The following CNTNAP2 variants were observed in gnomAD, a reference collection of about 807,000 sequenced individuals.
CNTNAP2 encodes the protein contactin-associated protein-like 2.
CNTNAP2 carries 98 observed loss-of-function variants against 155.2 expected under a neutral mutation model. That is an observed-to-expected ratio of 0.63 (90% confidence interval 0.54 to 0.75). The LOEUF is 0.75. Among genes scored for constraint, CNTNAP2 ranks in the 30% least tolerant of loss-of-function variants. The pLI is 0.00. For synonymous variants in CNTNAP2, 651 were observed against 631.2 expected (o/e 1.03, Z -0.47); for missense variants, 1,727 against 1,688.1 (o/e 1.02, Z -0.40).
intron 13 of CNTNAP2, among the ~76,000 whole-genome samples, chr7:147,724,601 T>C (rs1796616595): frequency 6.6e-6 from 1 of 152,034 alleles, no homozygotes; most frequent in Non-Finnish European, 1.5e-5. Flanking sequence ...AAATACTTGT[T>C]CCCTGGAAGC....
At chr7:146,852,576 A>T (rs1243798936) in intron 3 of CNTNAP2, among the ~76,000 whole-genome samples, 1 of 152,154 alleles carries the variant, frequency 6.6e-6, no homozygotes, top group Non-Finnish European at 1.5e-5. Context: ...CACTATCAAC[A>T]TCATGTAATT....
chr7:147,026,787 C>T (rs1224780661), intron 3 of CNTNAP2, among the ~76,000 whole-genome samples: 2 of 151,406 alleles, frequency 1.3e-5, no homozygotes, highest in African/African-American at 4.9e-5. Flanking sequence ...TTTGAGGGGG[C>T]TTTTTGGTAT....
At chr7:146,914,471 AT>A (rs1310845904) in intron 3 of CNTNAP2, among the ~76,000 whole-genome samples, 1 of 151,376 alleles carries the variant, frequency 6.6e-6, no homozygotes, top group Admixed American at 6.6e-5. Context: ...TTTTTTTTTA[AT>A]TTTTTTATTA....
chr7:146,622,203 A>C (rs1799333349), intron 1 of CNTNAP2, among the ~76,000 whole-genome samples: 1 of 151,534 alleles, frequency 6.6e-6, no homozygotes, highest in Admixed American at 6.6e-5. Flanking sequence ...ATATATATAC[A>C]CACATATACA....
intron 1 of CNTNAP2, among the ~76,000 whole-genome samples, chr7:146,298,268 G>A (rs1055089596): frequency 6.6e-6 from 1 of 152,052 alleles, no homozygotes; most frequent in African/African-American, 2.4e-5. Context: ...GTTTCTTCAC[G>A]AGTCTTCAAA....
intron 13 of CNTNAP2, among the ~76,000 whole-genome samples, chr7:147,641,693 G>A (rs540903033): frequency 6.6e-6 from 1 of 152,116 alleles, no homozygotes; most frequent in African/African-American, 2.4e-5. Context: ...AGGATTGGTG[G>A]CCTCAGGAGA....
At chr7:147,802,794 G>GGGGAAAGGGAGA (rs1798027796) in intron 13 of CNTNAP2, among the ~76,000 whole-genome samples, 10 of 104,942 alleles carry the variant, frequency 9.5e-5, no homozygotes, top group African/African-American at 3.8e-4. Context: ...GGAGGGGGAG[G>GGGGAAAGGGAGA]GGGAGAGGGA....
At chr7:147,849,441 G>A (rs1798882520) in intron 13 of CNTNAP2, among the ~76,000 whole-genome samples, 1 of 152,166 alleles carries the variant, frequency 6.6e-6, no homozygotes, top group Admixed American at 6.5e-5. Flanking sequence ...ATAAGAGTCA[G>A]GATTTTACTC....
intron 14 of CNTNAP2, among the ~76,000 whole-genome samples, chr7:147,959,010 T>G (rs370870096): frequency 8.5e-5 from 13 of 152,302 alleles, no homozygotes; most frequent in East Asian, 1.9e-4. Flanking sequence ...AAGGCTCCAC[T>G]TTTTATTAAA....
At chr7:147,111,925 G>A (rs370065387) in intron 5 of CNTNAP2, among the ~76,000 whole-genome samples, 193 of 152,162 alleles carry the variant, frequency 1.3e-3, no homozygotes, top group African/African-American at 4.6e-3. Flanking sequence ...AGTTTAATGG[G>A]AATAGTATTG....
At chr7:147,980,879 A>C (rs78677332) in intron 15 of CNTNAP2, among the ~76,000 whole-genome samples, 15,205 of 146,864 alleles carry the variant, frequency 0.1, 1,044 homozygotes, top group African/African-American at 0.2. Context: ...TGCAGTGAGC[A>C]GAGATTGTGC....
intron 15 of CNTNAP2, among the ~76,000 whole-genome samples, chr7:148,024,418 T>A (rs1802342081): frequency 6.6e-6 from 1 of 152,184 alleles, no homozygotes; most frequent in Admixed American, 6.5e-5. Context: ...AGCAGCTGCA[T>A]GATACTGGAA....
At chr7:146,340,024 C>G (rs1211047129) in intron 1 of CNTNAP2, among the ~76,000 whole-genome samples, 1 of 151,842 alleles carries the variant, frequency 6.6e-6, no homozygotes, top group Non-Finnish European at 1.5e-5. Context: ...AAAAAATTAG[C>G]CGGGCATGGT....
chr7:147,274,240 A>G (rs1205313797), intron 8 of CNTNAP2, among the ~76,000 whole-genome samples: 1 of 152,066 alleles, frequency 6.6e-6, no homozygotes, highest in Non-Finnish European at 1.5e-5. Flanking sequence ...ATTGTTTTCC[A>G]TAGAAGTTGT....
chr7:146,306,489 A>T (rs1366455692), intron 1 of CNTNAP2, among the ~76,000 whole-genome samples: 1 of 152,160 alleles, frequency 6.6e-6, no homozygotes, highest in African/African-American at 2.4e-5. Context: ...TTGATGCAAA[A>T]ATCCTCAATA....
intron 1 of CNTNAP2, among the ~76,000 whole-genome samples, chr7:146,610,626 A>AT (rs199907694): frequency 0.011 from 1,692 of 152,266 alleles, 10 homozygotes; most frequent in Non-Finnish European, 0.017. Context: ...TTGAGACATG[A>AT]TTGCACTTTC....
intron 1 of CNTNAP2, among the ~76,000 whole-genome samples, chr7:146,489,205 A>G (rs1055310281): frequency 2.6e-5 from 4 of 152,190 alleles, no homozygotes; most frequent in African/African-American, 9.6e-5. Flanking sequence ...ATGTACAAAT[A>G]TAATGTATCA....
At chr7:147,900,394 T>C (rs1021788999) in intron 13 of CNTNAP2, among the ~76,000 whole-genome samples, 19 of 152,046 alleles carry the variant, frequency 1.2e-4, no homozygotes, top group Non-Finnish European at 1.9e-4. Context: ...GCCTGGCACT[T>C]CCCCCTTCTT....
At chr7:148,409,356 T>C in intron 22 of CNTNAP2, 35 bp from the exon 23 acceptor site, 1 of 1,500,706 alleles carries the variant, frequency 6.7e-7, no homozygotes, top group Non-Finnish European at 9.2e-7. Flanking sequence ...AATAGTATAC[T>C]TGACTCTGAC....
Sources: allele counts gnomAD v4.1 joint callset (sites outside exome capture counted in the v4.1 genomes callset), GRCh38; gene constraint gnomAD v4.1.1; transcripts MANE v1.5; gene names NCBI Gene and HGNC (gene_info 2026-07-23, HGNC 2026-07-21).